The following TEX9 variants were observed in gnomAD, a reference collection of about 807,000 sequenced individuals.
TEX9 encodes testis expressed 9.
Under a neutral mutation model 59.6 loss-of-function variants are expected in TEX9, and 74 were observed. That is an observed-to-expected ratio of 1.24 (90% CI 1.03 to 1.51). The LOEUF is 1.51. TEX9 is among the 40% of genes most tolerant of loss of function. The pLI, the probability that TEX9 is intolerant of heterozygous loss-of-function variation, is 0.00. For missense variants in TEX9, 522 were observed against 447.8 expected, an observed-to-expected ratio of 1.17 and a Z score of -1.49; for synonymous variants, 186 against 152.2, an observed-to-expected ratio of 1.22 and a Z score of -1.64.
chr15:56,404,231 C>T lies in TEX9; in HGVS notation c.829-8071C>T, dbSNP rs527352519. On this transcript the variant is annotated intron_variant, in intron 9 of 12. Transcript: ENST00000352903. ...AATGGGAGAAAATTTTTGCAATCCA[C>T]CCATCTGACAAACGGCTAATATATA... Among the ~76,000 whole-genome samples the T allele has an allele frequency of 2.6e-5, 4 of 152,202 alleles. No homozygotes were observed. In the South Asian group the frequency reaches 6.2e-4, roughly 24 times the overall value.
At chr15:56,266,373 T>C (rs570463522) in intron 1 of TEX9, among the ~76,000 whole-genome samples, 278 of 152,122 alleles carry the variant, frequency 1.8e-3, no homozygotes, top group Non-Finnish European at 3.2e-3. Context: ...ATGTGCACTA[T>C]GTGCAGGTTT....
chr15:56,296,030 G>C (rs2045209690), intron 1 of TEX9, among the ~76,000 whole-genome samples: 1 of 152,126 alleles, frequency 6.6e-6, no homozygotes, highest in South Asian at 2.1e-4. Flanking sequence ...GTCTGAACTG[G>C]CGGTGAATTT....
intron 1 of TEX9, among the ~76,000 whole-genome samples, chr15:56,252,469 C>T (rs1240250212): frequency 7.3e-6 from 1 of 137,460 alleles, no homozygotes; most frequent in Non-Finnish European, 1.5e-5. Flanking sequence ...ATATCTTATT[C>T]ATAATAATGG....
At chr15:56,439,634 A>C (rs2050785093) in intron 12 of TEX9, among the ~76,000 whole-genome samples, 1 of 152,124 alleles carries the variant, frequency 6.6e-6, no homozygotes, top group African/African-American at 2.4e-5. Flanking sequence ...CCATTTCAAC[A>C]AATGGTGTGG....
intron 1 of TEX9, among the ~76,000 whole-genome samples, chr15:56,320,496 G>T (rs1596086956): frequency 6.9e-6 from 1 of 145,564 alleles, no homozygotes. Flanking sequence ...GAAAGAGAGA[G>T]ATAGAGAGGA....
intron 1 of TEX9, among the ~76,000 whole-genome samples, chr15:56,314,780 A>T (rs1267089085): frequency 6.6e-6 from 1 of 151,680 alleles, no homozygotes; most frequent in African/African-American, 2.4e-5. Context: ...ATTGTGTGGG[A>T]GTCTAAGTCT....
intron 1 of TEX9, among the ~76,000 whole-genome samples, chr15:56,338,419 A>T (rs75651538): frequency 0.044 from 6,689 of 152,300 alleles, 224 homozygotes; most frequent in Admixed American, 0.086. Flanking sequence ...TGGGTGGTGC[A>T]GTATATGATA....
intron 1 of TEX9, among the ~76,000 whole-genome samples, chr15:56,300,708 G>GGAGA (rs60361737): frequency 0.015 from 1,537 of 102,570 alleles, 54 homozygotes; most frequent in African/African-American, 0.055. Flanking sequence ...AGAGAGAGAG[G>GGAGA]GAGAGAGAGA....
intron 9 of TEX9, chr15:56,408,792 T>A (rs1435672698): frequency 6.6e-6 from 1 of 152,216 alleles, no homozygotes; most frequent in African/African-American, 2.4e-5. Flanking sequence ...AATAAACCAC[T>A]TCTCAAAACA....
At chr15:56,459,449 C>T in the TEX9 span, among the ~76,000 whole-genome samples, 2 of 152,120 alleles carry the variant, frequency 1.3e-5, no homozygotes, top group Non-Finnish European at 2.9e-5. Context: ...TAGATATATG[C>T]CTTCAATTAT....
the TEX9 span, among the ~76,000 whole-genome samples, chr15:56,457,188 C>T: frequency 5.9e-5 from 9 of 152,146 alleles, no homozygotes; most frequent in African/African-American, 1.7e-4. Context: ...ACATACATCC[C>T]GTAGAATGTT....
chr15:56,265,823 A>G (rs1312375485), intron 1 of TEX9, among the ~76,000 whole-genome samples: 3 of 152,144 alleles, frequency 2.0e-5, no homozygotes, highest in Admixed American at 1.3e-4. Flanking sequence ...TGGGTGGCCT[A>G]TTATATGAAT....
chr15:56,262,704 T>C (rs1596049770), intron 1 of TEX9, among the ~76,000 whole-genome samples: 1 of 152,236 alleles, frequency 6.6e-6, no homozygotes, highest in Non-Finnish European at 1.5e-5. Flanking sequence ...ACACCAGAGA[T>C]AGGTATAACA....
intron 1 of TEX9, among the ~76,000 whole-genome samples, chr15:56,345,716 A>T (rs2046457857): frequency 6.6e-6 from 1 of 152,200 alleles, no homozygotes; most frequent in Non-Finnish European, 1.5e-5. Context: ...CAAGATAAGG[A>T]AAAGGTTGAG....
At chr15:56,261,658 A>T (rs2044270902) in intron 1 of TEX9, among the ~76,000 whole-genome samples, 1 of 152,190 alleles carries the variant, frequency 6.6e-6, no homozygotes, top group African/African-American at 2.4e-5. Context: ...GGGAGGTTGC[A>T]GTGAGCTAAG....
At chr15:56,391,270 A>C (rs1318440432) in exon 7 of TEX9, 30 of 1,575,960 alleles carry the variant, frequency 1.9e-5, no homozygotes, top group Non-Finnish European at 2.4e-5. Flanking sequence ...CTGATGTCCA[A>C]ACTGCCGACG....
At chr15:56,432,087 T>TTCTA (rs1377945863) in intron 12 of TEX9, among the ~76,000 whole-genome samples, 5 of 152,148 alleles carry the variant, frequency 3.3e-5, no homozygotes, top group East Asian at 1.9e-4. Flanking sequence ...TCAAACCTAA[T>TTCTA]TCTATCTTAA....
At chr15:56,376,702 G>A (rs1386571179) in intron 3 of TEX9, among the ~76,000 whole-genome samples, 4 of 151,770 alleles carry the variant, frequency 2.6e-5, no homozygotes, top group African/African-American at 7.3e-5. Flanking sequence ...CCATTCTGTG[G>A]GTTGTCTCTT....
chr15:56,391,205 G>C (rs186993084), intron 6 of TEX9, 38 bp from the exon 7 acceptor site: 2 of 1,380,358 alleles, frequency 1.4e-6, no homozygotes, highest in Non-Finnish European at 1.9e-6. Flanking sequence ...TCATATGTAC[G>C]TATATACATA....
Sources: gnomAD v4.1 joint callset for allele counts (sites outside exome capture counted in the v4.1 genomes callset) on GRCh38, gnomAD v4.1.1 for gene constraint, MANE v1.5 for transcripts, NCBI Gene and HGNC (gene_info 2026-07-23, HGNC 2026-07-21) for gene names.